The following GRAMD1C variants were observed in gnomAD, a reference collection of about 807,000 sequenced individuals.
GRAMD1C encodes the protein protein Aster-C.
Under a neutral mutation model 97.8 loss-of-function variants are expected in GRAMD1C, and 89 were observed. That is an observed-to-expected ratio of 0.91 (90% CI 0.77 to 1.09). GRAMD1C has a LOEUF of 1.09. Ranked by LOEUF, GRAMD1C falls within the 50% of genes least tolerant of loss-of-function variation. GRAMD1C has a pLI of 0.00. For synonymous variants in GRAMD1C, 256 were observed against 267.0 expected, an observed-to-expected ratio of 0.96 and a Z score of 0.40; for missense variants, 740 against 766.4, an observed-to-expected ratio of 0.97 and a Z score of 0.41.
chr3:113,888,885 G>T (rs77209605), intron 6 of GRAMD1C, among the ~76,000 whole-genome samples: 1 of 152,318 alleles, frequency 6.6e-6, no homozygotes, highest in African/African-American at 2.4e-5. Flanking sequence ...CAATCCAAAT[G>T]TCCATCAAGT....
At chr3:113,843,812 T>C (rs1933483918) in intron 1 of GRAMD1C, among the ~76,000 whole-genome samples, 1 of 152,200 alleles carries the variant, frequency 6.6e-6, no homozygotes, top group Non-Finnish European at 1.5e-5. Context: ...CAGAGCTTAT[T>C]TACTAATTTC....
chr3:113,887,085 G>GTTTTTTGTTTTT (rs1935524436), intron 6 of GRAMD1C, among the ~76,000 whole-genome samples: 4 of 71,456 alleles, frequency 5.6e-5, no homozygotes, highest in Non-Finnish European at 1.2e-4. Flanking sequence ...TGGCCTTTTT[G>GTTTTTTGTTTTT]TTTTTTTTTT....
chr3:113,884,381 A>C (rs2107404666), intron 6 of GRAMD1C, among the ~76,000 whole-genome samples: 1 of 152,346 alleles, frequency 6.6e-6, no homozygotes. Context: ...AGAAATCATG[A>C]GGGAAATTAG....
intron 6 of GRAMD1C, among the ~76,000 whole-genome samples, chr3:113,889,309 AAGACGC>A (rs1935627511): frequency 6.6e-6 from 1 of 152,236 alleles, no homozygotes; most frequent in Non-Finnish European, 1.5e-5. Context: ...TGCTAAGTGA[AAGACGC>A]CAGTCATAAA....
intron 17 of GRAMD1C, among the ~76,000 whole-genome samples, chr3:113,942,417 C>G (rs1396877294): frequency 6.6e-6 from 1 of 151,250 alleles, no homozygotes; most frequent in African/African-American, 2.4e-5. Context: ...ATCTGAAGCT[C>G]TTTACATATG....
rs571871598 is a variant in GRAMD1C at position 113,844,598 on chromosome 3, T to TA, written c.129dup (p.Gln44ThrfsTer7). ...CTGTGGAAGAGAATAATGTGGTAGT[T>TA]AAAAAACAGGGGCCAAATTTACATA... On this transcript the variant is annotated frameshift_variant, in exon 2 of 18. Coordinates refer to ENST00000358160, the MANE Select transcript of GRAMD1C (RefSeq NM_017577.5). LOFTEE classifies it high-confidence loss of function. 8 of 1,606,676 alleles carry TA rather than the reference T, an allele frequency of 5.0e-6. No homozygotes were observed. The Admixed American group carries it at 6.8e-5, about 14-fold the overall frequency.
At chr3:113,919,687 C>CT in intron 10 of GRAMD1C, 1 of 636,468 alleles carries the variant, frequency 1.6e-6, no homozygotes, top group South Asian at 1.4e-5. Flanking sequence ...AGCTTGCCAC[C>CT]TGTCCTGATG....
chr3:113,937,715 C>T (rs1248411681), intron 14 of GRAMD1C, among the ~76,000 whole-genome samples: 1 of 152,082 alleles, frequency 6.6e-6, no homozygotes, highest in Non-Finnish European at 1.5e-5. Context: ...AAATTTCTGT[C>T]AGTTGAGGGC....
At chr3:113,915,343 T>C (rs918567392) in intron 9 of GRAMD1C, among the ~76,000 whole-genome samples, 3 of 152,228 alleles carry the variant, frequency 2.0e-5, no homozygotes, top group South Asian at 2.1e-4. Flanking sequence ...TACTATCTTA[T>C]GTGTCTATAT....
chr3:113,885,501 G>A, intron 6 of GRAMD1C: 1 of 1,606,350 alleles, frequency 6.2e-7, no homozygotes. Flanking sequence ...TGCTGGATCT[G>A]GATGAGACAC....
At chr3:113,891,712 TAA>T (rs34337847) in intron 6 of GRAMD1C, among the ~76,000 whole-genome samples, 57 of 142,100 alleles carry the variant, frequency 4.0e-4, no homozygotes, top group East Asian at 6.1e-4. Flanking sequence ...ACCCCATTTC[TAA>T]AAAAAAAAAA....
intron 9 of GRAMD1C, among the ~76,000 whole-genome samples, chr3:113,910,235 T>C (rs753937419): frequency 2.6e-5 from 4 of 152,046 alleles, no homozygotes; most frequent in Non-Finnish European, 5.9e-5. Context: ...TACAAAAAAT[T>C]AGCCGGGTGT....
intron 1 of GRAMD1C, among the ~76,000 whole-genome samples, chr3:113,830,326 C>A (rs531710067): frequency 2.6e-5 from 4 of 152,164 alleles, no homozygotes; most frequent in African/African-American, 7.2e-5. Flanking sequence ...ATCCAGGTAG[C>A]CCTTTTCTAT....
chr3:113,920,610 C>T (rs1005247098), intron 10 of GRAMD1C, among the ~76,000 whole-genome samples: 5 of 151,990 alleles, frequency 3.3e-5, no homozygotes, highest in African/African-American at 7.2e-5. Context: ...GGTGCGATCT[C>T]GGCTCACTGC....
At chr3:113,929,917 C>T (rs1937349485) in intron 10 of GRAMD1C, among the ~76,000 whole-genome samples, 1 of 152,156 alleles carries the variant, frequency 6.6e-6, no homozygotes, top group Non-Finnish European at 1.5e-5. Context: ...GTCAAACATA[C>T]TAGTACTTGC....
At chr3:113,849,926 ACCCC>A (rs570943730) in intron 2 of GRAMD1C, among the ~76,000 whole-genome samples, 2 of 138,644 alleles carry the variant, frequency 1.4e-5, no homozygotes, top group African/African-American at 5.5e-5. Flanking sequence ...GGGGGGGCTG[ACCCC>A]CCCACCTCCC....
At chr3:113,850,466 C>G in intron 2 of GRAMD1C, 1 of 1,457,972 alleles carries the variant, frequency 6.9e-7, no homozygotes, top group Non-Finnish European at 9.6e-7. Flanking sequence ...GGTGGCAGCA[C>G]AGTCTCCGGG....
chr3:113,889,963 A>AG (rs531970649), intron 6 of GRAMD1C, among the ~76,000 whole-genome samples: 273 of 152,152 alleles, frequency 1.8e-3, no homozygotes, highest in African/African-American at 6.4e-3. Flanking sequence ...TGAAGCTGGC[A>AG]GGTGGGAACT....
chr3:113,925,442 A>G (rs1241469811), intron 10 of GRAMD1C, among the ~76,000 whole-genome samples: 1 of 151,756 alleles, frequency 6.6e-6, no homozygotes. Flanking sequence ...ACTGCACTCC[A>G]GCCTGGGTGA....
Sources: allele counts gnomAD v4.1 joint callset (sites outside exome capture counted in the v4.1 genomes callset), GRCh38; gene constraint gnomAD v4.1.1; transcripts MANE v1.5; gene names NCBI Gene and HGNC (gene_info 2026-07-23, HGNC 2026-07-21).